Variants in NOX4 observed in about 807,000 individuals in gnomAD.
NOX4 encodes kidney oxidase-1.
Under a neutral mutation model 87.6 loss-of-function variants are expected in NOX4, and 69 were observed. The ratio of observed to expected loss-of-function variants is 0.79; its 90% confidence interval spans 0.65 to 0.96. The LOEUF (loss-of-function observed/expected upper bound fraction) is 0.96, where lower values mean the gene tolerates loss of function less well. Ranked by LOEUF, NOX4 falls within the 40% of genes least tolerant of loss-of-function variation. NOX4 has a pLI of 0.00. For missense variants in NOX4, 680 were observed against 681.5 expected, an observed-to-expected ratio of 1.00 and a Z score of 0.02; for synonymous variants, 275 against 238.2, an observed-to-expected ratio of 1.15 and a Z score of -1.42.
chr11:89,513,922 GCTT>G, the NOX4 span, among the ~76,000 whole-genome samples: 1 of 151,806 alleles, frequency 6.6e-6, no homozygotes, highest in Non-Finnish European at 1.5e-5. Flanking sequence ...TGTTTAATAA[GCTT>G]TACCCATTTT....
the NOX4 span, among the ~76,000 whole-genome samples, chr11:89,569,717 G>A: frequency 3.5e-4 from 53 of 152,192 alleles, no homozygotes; most frequent in African/African-American, 1.2e-3. Flanking sequence ...AGATACAAAT[G>A]TTCTGGCCGG....
chr11:89,361,947 C>T (rs759837094), intron 12 of NOX4, among the ~76,000 whole-genome samples: 1 of 151,994 alleles, frequency 6.6e-6, no homozygotes, highest in Non-Finnish European at 1.5e-5. Flanking sequence ...AAGCAAATAC[C>T]TCTCACAGAG....
intron 11 of NOX4, among the ~76,000 whole-genome samples, chr11:89,392,818 GAATTCCAAAAAGGA>G (rs2135142790): frequency 6.6e-6 from 1 of 152,224 alleles, no homozygotes; most frequent in African/African-American, 2.4e-5. Context: ...AATTTTCATG[GAATTCCAAAAAGGA>G]TTCAAGTTGA....
chr11:89,440,711 G>T lies in NOX4; in HGVS notation c.452C>A (p.Pro151His). ...ACCAGTTGTGAAGAGAAGTTTTCTA[G>T]GATCCTGAGAAAAAGAAAAAAAAAT... ...LNAARYRDEDPRKLLFTTVPG... is the reference protein window; with the variant it reads ...LNAARYRDEDHRKLLFTTVPG... Residue 151 changes from proline (P) to histidine (H), a missense_variant, in exon 6 of 18, where the codon CCT becomes CAT. Physicochemically the swap from Pro to His is moderately conservative, Grantham distance 77. Transcript: ENST00000263317. 2.0e-6 allele frequency: 3 copies of T among 1,536,068 alleles called. No individual in the cohort carries two copies. The highest frequency in any genetic ancestry group is 2.7e-6 in the Non-Finnish European group (3 of 1,124,764).
chr11:89,554,162 G>T, the NOX4 span, among the ~76,000 whole-genome samples: 2 of 152,002 alleles, frequency 1.3e-5, no homozygotes, highest in African/African-American at 4.8e-5. Flanking sequence ...AAAATAAAAG[G>T]GGGGGAGGGG....
At chr11:89,574,927 T>C in the NOX4 span, among the ~76,000 whole-genome samples, 8 of 152,336 alleles carry the variant, frequency 5.3e-5, no homozygotes, top group African/African-American at 1.4e-4. Flanking sequence ...CTCACGCCCA[T>C]AATCCCAGCA....
the NOX4 span, among the ~76,000 whole-genome samples, chr11:89,507,602 A>C: frequency 6.6e-6 from 1 of 151,832 alleles, no homozygotes; most frequent in Non-Finnish European, 1.5e-5. Context: ...GCTAAAAGCT[A>C]TTCTCAAATC....
intron 15 of NOX4, among the ~76,000 whole-genome samples, chr11:89,339,530 A>G (rs1272249019): frequency 6.6e-6 from 1 of 152,204 alleles, no homozygotes; most frequent in Non-Finnish European, 1.5e-5. Flanking sequence ...AAAGATAAAT[A>G]GGTCAAATGT....
the NOX4 span, among the ~76,000 whole-genome samples, chr11:89,560,272 G>C: frequency 6.6e-6 from 1 of 152,096 alleles, no homozygotes; most frequent in African/African-American, 2.4e-5. Context: ...GCTAGGAAGA[G>C]ACAAGGAAGA....
chr11:89,468,402 A>G (rs1001827034), intron 2 of NOX4, among the ~76,000 whole-genome samples: 7 of 152,234 alleles, frequency 4.6e-5, no homozygotes, highest in African/African-American at 1.7e-4. Flanking sequence ...TTTGTGCACC[A>G]ATATTCAGTA....
intron 11 of NOX4, among the ~76,000 whole-genome samples, chr11:89,386,406 C>T (rs575381853): frequency 6.6e-6 from 1 of 152,164 alleles, no homozygotes; most frequent in Non-Finnish European, 1.5e-5. Context: ...AACTGCCACC[C>T]TTAATTCTCT....
At chr11:89,475,636 T>C (rs1232167103) in intron 2 of NOX4, among the ~76,000 whole-genome samples, 1 of 151,964 alleles carries the variant, frequency 6.6e-6, no homozygotes, top group Non-Finnish European at 1.5e-5. Flanking sequence ...TTCAACAGAA[T>C]AGGTTAGGAT....
At chr11:89,462,014 G>A (rs1338768174) in intron 2 of NOX4, among the ~76,000 whole-genome samples, 1 of 151,164 alleles carries the variant, frequency 6.6e-6, no homozygotes, top group Non-Finnish European at 1.5e-5. Context: ...AAAAAAAAAA[G>A]GAAGAAAGGA....
intron 8 of NOX4, among the ~76,000 whole-genome samples, chr11:89,413,886 C>T (rs1942620413): frequency 1.3e-5 from 2 of 151,908 alleles, no homozygotes; most frequent in South Asian, 4.1e-4. Context: ...TCATGTATCC[C>T]ATAAACATAT....
chr11:89,365,297 T>TA (rs947046284), intron 12 of NOX4, among the ~76,000 whole-genome samples: 4 of 152,114 alleles, frequency 2.6e-5, no homozygotes, highest in Admixed American at 2.0e-4. Context: ...CACTTTATTT[T>TA]AAAAAAATCA....
the NOX4 span, among the ~76,000 whole-genome samples, chr11:89,583,938 A>C: frequency 6.6e-6 from 1 of 152,198 alleles, no homozygotes; most frequent in Non-Finnish European, 1.5e-5. Flanking sequence ...AATTATTTGT[A>C]TCAACACACA....
chr11:89,438,960 A>ATATATTATTTT (rs1379284133), intron 6 of NOX4, among the ~76,000 whole-genome samples: 8 of 83,174 alleles, frequency 9.6e-5, no homozygotes, highest in Non-Finnish European at 9.0e-5. Context: ...TATATATAAT[A>ATATATTATTTT]ATATATAATA....
chr11:89,517,456 C>T, the NOX4 span, among the ~76,000 whole-genome samples: 4 of 151,656 alleles, frequency 2.6e-5, no homozygotes, highest in Non-Finnish European at 5.9e-5. Context: ...TGCTTATTTC[C>T]TTTATTATTT....
At chr11:89,408,573 C>A (rs1276739130) in intron 8 of NOX4, among the ~76,000 whole-genome samples, 1 of 152,098 alleles carries the variant, frequency 6.6e-6, no homozygotes, top group Non-Finnish European at 1.5e-5. Flanking sequence ...TTACTCCCAC[C>A]CCTACTTTGT....
Sources: allele counts gnomAD v4.1 joint callset (sites outside exome capture counted in the v4.1 genomes callset), GRCh38; gene constraint gnomAD v4.1.1; transcripts MANE v1.5; gene names NCBI Gene and HGNC (gene_info 2026-07-23, HGNC 2026-07-21).